The following DCDC2C variants were observed in gnomAD, a reference collection of about 807,000 sequenced individuals.
DCDC2C encodes the protein doublecortin domain-containing protein 2C.
DCDC2C carries 44 observed loss-of-function variants against 45.0 expected under a neutral mutation model. That is an observed-to-expected ratio of 0.98 (90% confidence interval 0.77 to 1.26). The LOEUF (loss-of-function observed/expected upper bound fraction) is 1.26. Ranked by LOEUF, DCDC2C falls within the 50% of genes most tolerant of loss-of-function variation. DCDC2C has a pLI of 0.00. For missense variants in DCDC2C, 447 were observed against 468.9 expected (o/e 0.95, Z 0.43); for synonymous variants, 187 against 178.8 (o/e 1.05, Z -0.37).
At chr2:3,729,748 CA>C (rs60707388) in intron 3 of DCDC2C, among the ~76,000 whole-genome samples, 4,980 of 152,266 alleles carry the variant, frequency 0.033, 269 homozygotes, top group African/African-American at 0.11. Flanking sequence ...AAGGAGAGGT[CA>C]GGGGCCTATC....
chr2:3,800,246 C>T (rs1671081829), intron 10 of DCDC2C, among the ~76,000 whole-genome samples: 1 of 152,170 alleles, frequency 6.6e-6, no homozygotes, highest in Non-Finnish European at 1.5e-5. Flanking sequence ...GTGCGCGCAC[C>T]CACTGACCTG....
chr2:3,745,538 T>C (rs986627132), intron 4 of DCDC2C, among the ~76,000 whole-genome samples: 2 of 152,228 alleles, frequency 1.3e-5, no homozygotes, highest in Admixed American at 6.5e-5. Flanking sequence ...TGAAGCAATA[T>C]GCACATGAAC....
chr2:3,703,821 G>C lies in DCDC2C; in HGVS notation c.70G>C (p.Gly24Arg). The C allele has an allele frequency of 7.9e-7, 1 of 1,264,044 alleles. No homozygotes were observed. The highest frequency in any genetic ancestry group is 1.0e-6 in the Non-Finnish European group (1 of 1,000,600). 78.3% of individuals were successfully genotyped at this position (1,264,044 alleles called of 1,614,324 possible). Residue 24 changes from glycine to arginine, a missense_variant, in exon 1 of 11, where the codon GGG becomes CGG. By Grantham distance (125) the Gly-to-Arg change is moderately radical. Transcript: ENST00000399143. The surrounding 1 kb of genome is among the most constrained non-coding windows in gnomAD (Gnocchi z 4.4). ...CAAGACCATCGTGGTGTACCGCAAC[G>C]GGGACCCGTTCTACGTGGGCAAGAA... ...PAKTIVVYRNGDPFYVGKKFV... is the reference protein window; with the variant it reads ...PAKTIVVYRNRDPFYVGKKFV...
intron 2 of DCDC2C, among the ~76,000 whole-genome samples, chr2:3,721,572 C>A (rs1668505366): frequency 6.6e-6 from 1 of 152,126 alleles, no homozygotes; most frequent in Non-Finnish European, 1.5e-5. Context: ...AACAACAAAG[C>A]CACAATAATT....
intron 3 of DCDC2C, among the ~76,000 whole-genome samples, chr2:3,729,373 A>C (rs768114723): frequency 8.5e-5 from 13 of 152,222 alleles, no homozygotes; most frequent in Non-Finnish European, 1.6e-4. Flanking sequence ...GAAGATAGAC[A>C]CAGCTGGACA....
chr2:3,789,930 A>G (rs1480839762), intron 10 of DCDC2C, among the ~76,000 whole-genome samples: 2 of 152,250 alleles, frequency 1.3e-5, no homozygotes, highest in African/African-American at 4.8e-5. Flanking sequence ...AACAGGAGTT[A>G]TCTATGATTG....
intron 1 of DCDC2C, among the ~76,000 whole-genome samples, chr2:3,705,118 T>C (rs1280292955): frequency 6.6e-6 from 1 of 152,232 alleles, no homozygotes; most frequent in Admixed American, 6.5e-5. Context: ...CTGAATTAAA[T>C]CAGCAGCTTG....
chr2:3,760,670 G>T (rs1292977031), intron 6 of DCDC2C, among the ~76,000 whole-genome samples: 2 of 152,128 alleles, frequency 1.3e-5, no homozygotes, highest in Admixed American at 1.3e-4. Context: ...ACACACTGGG[G>T]CCTGTTAGGG....
In DCDC2C at chr2:3,785,928, G is replaced by T. The variant is rs1265679743; in HGVS notation, c.1065+828G>T. On this transcript the variant is annotated intron_variant, in intron 10 of 10. Coordinates refer to ENST00000399143, the MANE Select transcript of DCDC2C (RefSeq NM_001287444.2). ...GTACCTGCCGGATGTGTGGCTTCGG[G>T]AACACTCCTTAAAACCTGATTGCCT... 2.6e-5 allele frequency among the ~76,000 whole-genome samples: 4 copies of T among 152,046 alleles called. No individual in the cohort carries two copies. In the South Asian group the frequency reaches 8.3e-4, roughly 32 times the overall value.
chr2:3,804,230 G>T (rs908151477), intron 10 of DCDC2C, among the ~76,000 whole-genome samples: 1 of 152,174 alleles, frequency 6.6e-6, no homozygotes, highest in African/African-American at 2.4e-5. Flanking sequence ...GACATTTGCA[G>T]GAAGTTTAAA....
At chr2:3,820,382 G>A (rs1226010535) in intron 10 of DCDC2C, among the ~76,000 whole-genome samples, 1 of 152,110 alleles carries the variant, frequency 6.6e-6, no homozygotes, top group Non-Finnish European at 1.5e-5. Context: ...GTGGAAAGTT[G>A]CCCATAATGA....
At chr2:3,831,860 T>C (rs1671959431) in intron 10 of DCDC2C, among the ~76,000 whole-genome samples, 2 of 152,222 alleles carry the variant, frequency 1.3e-5, no homozygotes, top group Non-Finnish European at 2.9e-5. Flanking sequence ...TGTTGTGATG[T>C]TGAATGAGAA....
intron 2 of DCDC2C, among the ~76,000 whole-genome samples, chr2:3,722,575 A>T (rs1668530681): frequency 6.6e-6 from 1 of 152,196 alleles, no homozygotes; most frequent in Non-Finnish European, 1.5e-5. Flanking sequence ...AAGAGGTCTA[A>T]AGCTCATGGC....
intron 3 of DCDC2C, among the ~76,000 whole-genome samples, chr2:3,737,927 T>C (rs1669077182): frequency 6.6e-6 from 1 of 152,242 alleles, no homozygotes; most frequent in African/African-American, 2.4e-5. Flanking sequence ...AAGAGGTGCA[T>C]TGACAAAGTA....
chr2:3,708,556 C>G lies in DCDC2C; in HGVS notation c.295C>G (p.His99Asp). The change falls in exon 2 of 11, where the codon CAT becomes GAT. Residue 99 changes from histidine to aspartate, a missense_variant. Transcript: ENST00000399143. ...TTCTTTCTTCTTTTGCAGTTATATT[C>G]ATATAGTTCCCCGAAAACCTGCAAA... ...RERFKELDYIHIVPRKPAKIR... is the reference protein window; with the variant it reads ...RERFKELDYIDIVPRKPAKIR... 6.5e-7 allele frequency: 1 copy of G among 1,545,812 alleles called. No homozygotes were observed. The highest frequency in any genetic ancestry group is 8.7e-7 in the Non-Finnish European group (1 of 1,144,208).
At chr2:3,837,907 G>C (rs987970930) in intron 10 of DCDC2C, among the ~76,000 whole-genome samples, 2 of 152,140 alleles carry the variant, frequency 1.3e-5, no homozygotes, top group Non-Finnish European at 2.9e-5. Context: ...GGGAGGTGAG[G>C]AAGTGTGGGG....
At chr2:3,766,401 A>G (rs913980911) in intron 6 of DCDC2C, among the ~76,000 whole-genome samples, 3 of 152,162 alleles carry the variant, frequency 2.0e-5, no homozygotes, top group Non-Finnish European at 1.5e-5. Context: ...AGTGATGCTG[A>G]AAAGAATCAA....
intron 3 of DCDC2C, among the ~76,000 whole-genome samples, chr2:3,731,650 G>C (rs1044848618): frequency 1.3e-5 from 2 of 152,192 alleles, no homozygotes; most frequent in African/African-American, 4.8e-5. Context: ...ACATCATGGG[G>C]TGTTGAAGGA....
At chr2:3,845,524 C>T (rs1672305512) in intron 10 of DCDC2C, among the ~76,000 whole-genome samples, 1 of 152,172 alleles carries the variant, frequency 6.6e-6, no homozygotes, top group Admixed American at 6.5e-5. Flanking sequence ...TATGATTTCA[C>T]CATATTTGGG....
Sources: gnomAD v4.1 joint callset for allele counts (sites outside exome capture counted in the v4.1 genomes callset) on GRCh38, gnomAD v4.1.1 for gene constraint, Gnocchi (gnomAD v3.1) non-coding constraint, MANE v1.5 for transcripts, NCBI Gene and HGNC (gene_info 2026-07-23, HGNC 2026-07-21) for gene names.